CFAP69: variants seen among roughly 807,000 people sequenced by gnomAD.
The protein encoded by CFAP69 is cilia and flagella associated protein 69, also known as cilia- and flagella-associated protein 69.
CFAP69 carries 92 observed loss-of-function variants against 123.0 expected under a neutral mutation model. That is an observed-to-expected ratio of 0.75 (90% confidence interval 0.63 to 0.89). The LOEUF is 0.89. CFAP69 is among the 40% of genes least tolerant of loss of function. The pLI is 0.00. For synonymous variants in CFAP69, 380 were observed against 364.3 expected (o/e 1.04, Z -0.49); for missense variants, 1,067 against 1,096.9 (o/e 0.97, Z 0.39).
the CFAP69 span, among the ~76,000 whole-genome samples, chr7:90,320,071 T>C: frequency 1.3e-5 from 2 of 152,186 alleles, no homozygotes; most frequent in African/African-American, 4.8e-5. Flanking sequence ...CTTTACTGAT[T>C]AGATCATTAG....
intron 6 of CFAP69, among the ~76,000 whole-genome samples, chr7:90,269,678 G>GT (rs1481406504): frequency 2.0e-5 from 3 of 152,302 alleles, no homozygotes; most frequent in African/African-American, 7.2e-5. Context: ...TCAGAGGATT[G>GT]TGAGAGTAGA....
rs753632028 is a variant in CFAP69, at chr7:90,279,873, T to TAG, written c.1354_1355dup (p.Trp453AsnfsTer33). ...GGAAATGCTCGAGTCCTTGCATTTC[T>TAG]AGAATGGTGTGAGAGTGAAGGTGAG... On this transcript the variant is annotated frameshift_variant, in exon 12 of 23. Coordinates refer to ENST00000389297, the MANE Select transcript of CFAP69 (RefSeq NM_001039706.3). LOFTEE classifies it high-confidence loss of function. The TAG allele has an allele frequency of 5.0e-6, 8 of 1,605,336 alleles. No individual in the cohort carries two copies. The Admixed American group carries it at 1.4e-4, about 28-fold the overall frequency.
At chr7:90,251,942 C>A (rs1797061051) in intron 1 of CFAP69, 1 of 152,120 alleles carries the variant, frequency 6.6e-6, no homozygotes, top group African/African-American at 2.4e-5. Context: ...AAGTGCAGTG[C>A]TCTTTACAGC....
chr7:90,316,251 T>C, the CFAP69 span, among the ~76,000 whole-genome samples: 93 of 152,268 alleles, frequency 6.1e-4, 2 homozygotes, highest in South Asian at 3.3e-3. Flanking sequence ...CTCTGAAAAA[T>C]AATCGGTTAT....
In CFAP69 at chr7:90,271,974, T is replaced by A. The variant is rs1562869940; in HGVS notation, c.860+16T>A. 6.3e-7 allele frequency: 1 copy of A among 1,590,310 alleles called. No homozygotes were observed. The highest frequency in any genetic ancestry group is 2.2e-5 in the East Asian group (1 of 44,566). ...AATGTTTGCTGTAAGCGTATGTGGT[T>A]AGATAGGAATGTTCTTTTAATCTTA... On this transcript the variant is annotated intron_variant, in intron 8 of 22. Transcript: ENST00000389297.
chr7:90,246,364 T>G (rs1014355548), intron 1 of CFAP69, among the ~76,000 whole-genome samples: 1 of 152,166 alleles, frequency 6.6e-6, no homozygotes, highest in Non-Finnish European at 1.5e-5. Context: ...CTGTCCTGCC[T>G]CACACTAATG....
At chr7:90,251,511 G>A (rs1379215459) in intron 1 of CFAP69, among the ~76,000 whole-genome samples, 1 of 152,178 alleles carries the variant, frequency 6.6e-6, no homozygotes. Flanking sequence ...GTCACATATA[G>A]TCTGACCAGT....
intron 12 of CFAP69, among the ~76,000 whole-genome samples, chr7:90,281,680 C>A (rs1383743265): frequency 5.9e-5 from 9 of 152,052 alleles, no homozygotes; most frequent in East Asian, 1.9e-4. Flanking sequence ...GGGAAAATAT[C>A]TTTTTGCTAG....
At chr7:90,268,475 C>A (rs979768156) in intron 6 of CFAP69, 91 bp downstream of exon 6, 55 of 932,750 alleles carry the variant, frequency 5.9e-5, no homozygotes, top group Non-Finnish European at 8.1e-5. Flanking sequence ...ACACAGTGGG[C>A]TCATAAATGT....
chr7:90,285,253 T>G (rs1408116897), intron 13 of CFAP69, among the ~76,000 whole-genome samples: 1 of 152,202 alleles, frequency 6.6e-6, no homozygotes, highest in Non-Finnish European at 1.5e-5. Context: ...TCTTAGGGTC[T>G]GATCCCCCAC....
chr7:90,318,473 C>T, the CFAP69 span: 2 of 152,018 alleles, frequency 1.3e-5, no homozygotes, highest in African/African-American at 4.8e-5. Context: ...ATGTACATTT[C>T]AGAAACCACA....
chr7:90,286,634 C>T (rs1790323989), intron 14 of CFAP69, among the ~76,000 whole-genome samples: 1 of 152,164 alleles, frequency 6.6e-6, no homozygotes, highest in African/African-American at 2.4e-5. Flanking sequence ...TTCCTCATCC[C>T]ATTAGAAGCC....
intron 5 of CFAP69, among the ~76,000 whole-genome samples, chr7:90,267,888 A>G (rs1485481255): frequency 1.3e-5 from 2 of 152,220 alleles, no homozygotes; most frequent in African/African-American, 2.4e-5. Context: ...TTTAATCCTC[A>G]CAACAATCTT....
intron 12 of CFAP69, among the ~76,000 whole-genome samples, chr7:90,281,787 A>G (rs567728244): frequency 4.6e-5 from 7 of 152,336 alleles, no homozygotes; most frequent in South Asian, 2.1e-4. Context: ...ACAAATGTCT[A>G]TTTGACAAAA....
At chr7:90,319,200 G>T in the CFAP69 span, 3 of 389,764 alleles carry the variant, frequency 7.7e-6, no homozygotes, top group Non-Finnish European at 1.4e-5. Context: ...AATGTAAAAT[G>T]AGTAAAAATG....
At chr7:90,252,387 G>T (rs1339952336) in intron 1 of CFAP69, among the ~76,000 whole-genome samples, 1 of 152,038 alleles carries the variant, frequency 6.6e-6, no homozygotes, top group Admixed American at 6.6e-5. Flanking sequence ...AGTAAAAATG[G>T]CTGGGCATGT....
chr7:90,246,601 C>A (rs1796367709), intron 1 of CFAP69, among the ~76,000 whole-genome samples: 1 of 152,166 alleles, frequency 6.6e-6, no homozygotes, highest in Admixed American at 6.5e-5. Context: ...TTTGCCTAAT[C>A]GATTTTGTGG....
At chr7:90,254,017 G>A (rs1293967048) in intron 1 of CFAP69, among the ~76,000 whole-genome samples, 1 of 151,988 alleles carries the variant, frequency 6.6e-6, no homozygotes, top group East Asian at 1.9e-4. Context: ...TTTTTTATTT[G>A]GTGAGACATA....
intron 6 of CFAP69, 66 bp from the exon 7 acceptor site, chr7:90,271,460 C>T (rs1799938439): frequency 6.9e-7 from 1 of 1,450,932 alleles, no homozygotes; most frequent in African/African-American, 1.4e-5. Flanking sequence ...ATAAATTACT[C>T]ATTCTTTTGT....
Sources: gnomAD v4.1 joint callset for allele counts (sites outside exome capture counted in the v4.1 genomes callset) on GRCh38, gnomAD v4.1.1 for gene constraint, MANE v1.5 for transcripts, NCBI Gene and HGNC (gene_info 2026-07-23, HGNC 2026-07-21) for gene names.